The following PLCB3 variants were observed in gnomAD, a reference collection of about 807,000 sequenced individuals.
PLCB3 encodes the protein 1-phosphatidylinositol 4,5-bisphosphate phosphodiesterase beta-3.
Under a neutral mutation model 152.1 loss-of-function variants are expected in PLCB3, and 54 were observed. The observed-to-expected ratio is 0.36, with a 90% CI of 0.29 to 0.45. The LOEUF is 0.45. PLCB3 is among the 20% of genes least tolerant of loss of function. The pLI is 1.00. For missense variants in PLCB3, 1,248 were observed against 1,687.5 expected, an observed-to-expected ratio of 0.74 and a Z score of 4.56; for synonymous variants, 717 against 698.7, an observed-to-expected ratio of 1.03 and a Z score of -0.41.
chr11:64,257,165 C>T (rs979152579), intron 10 of PLCB3, among the ~76,000 whole-genome samples: 43 of 152,078 alleles, frequency 2.8e-4, no homozygotes, highest in Admixed American at 2.7e-3. Context: ...CCACCACGCC[C>T]GGCTAATTTT....
In PLCB3 at chr11:64,265,065, C is replaced by T; in HGVS notation, c.2767C>T (p.Pro923Ser). The T allele has an allele frequency of 6.5e-7, 1 of 1,538,002 alleles. No homozygotes were observed. The highest frequency in any genetic ancestry group is 8.8e-7 in the Non-Finnish European group (1 of 1,139,374). Residue 923 changes from proline (P) to serine (S), a missense_variant, in exon 23 of 31, where the codon CCC becomes TCC. By Grantham distance (74) the Pro-to-Ser change is moderately conservative. This residue lies in a region of PLCB3 where 477 missense variants were observed against 489.6 expected (regional missense o/e 0.97). Coordinates refer to ENST00000279230, the MANE Select transcript of PLCB3 (RefSeq NM_000932.5). The stretch of plus-strand genomic sequence containing the variant: ...TGCCTCCCCCCGCCGGCCCCCTGGC[C>T]CCACCACCTCCCCTGCCAGCACCTC... ...LDASPRRPPG[P>S]TTSPASTSLS...
At chr11:64,251,861 C>G in intron 1 of PLCB3, 113 bp downstream of exon 1, 1 of 545,212 alleles carries the variant, frequency 1.8e-6, no homozygotes, top group South Asian at 4.4e-5. Flanking sequence ...CACCCTCATC[C>G]CAGTCTGGCG....
intron 19 of PLCB3, 97 bp downstream of exon 19, chr11:64,262,905 C>T (rs984890411): frequency 7.0e-6 from 9 of 1,293,646 alleles, no homozygotes; most frequent in East Asian, 2.3e-5. Context: ...ACACCGTTGG[C>T]GACTGGGGAT....
At position 64,266,698 on chromosome 11, in the gene PLCB3, T is replaced by G; in HGVS notation, c.3414+146T>G. ...GCCCAACAGCCCCAGGGTACCCACA[T>G]CATACCCAAAGCCAACTGTCTGTAC... On this transcript the variant is annotated intron_variant, in intron 29 of 30. Transcript: ENST00000279230. The surrounding 1 kb of genome is among the most constrained non-coding windows in gnomAD (Gnocchi z 4.9). 2.6e-6 allele frequency: 2 copies of G among 756,820 alleles called. No individual in the cohort carries two copies. The highest frequency in any genetic ancestry group is 3.2e-5 in the South Asian group (2 of 61,934). 46.9% of individuals were successfully genotyped at this position (756,820 alleles called of 1,614,324 possible).
In PLCB3 at chr11:64,258,438, T is replaced by C; in HGVS notation, c.1013-35T>C. ...CCGGGGTGGTGAGGAGCTGGGCTGG[T>C]GGGCGGCCTCGGTGACAGAGCCTCG... On this transcript the variant is annotated intron_variant, in intron 10 of 30. Transcript: ENST00000279230. The surrounding 1 kb of genome is among the most constrained non-coding windows in gnomAD (Gnocchi z 7.2). 6.2e-7 allele frequency: 1 copy of C among 1,602,832 alleles called. No homozygotes were observed. Among genetic ancestry groups the C allele is most frequent in the South Asian group, 1.1e-5 (1 of 90,454 alleles).
chr11:64,259,287 T>A, intron 13 of PLCB3, 43 bp downstream of exon 13: 1 of 1,399,360 alleles, frequency 7.1e-7, no homozygotes, highest in African/African-American at 1.5e-5. Context: ...GACCCTAGCC[T>A]CTGGCCTCAT....
In PLCB3 at chr11:64,259,939, C is replaced by G. The variant is rs763060772; in HGVS notation, c.1526-90C>G. 4 of 1,064,688 alleles carry G rather than the reference C, an allele frequency of 3.8e-6. No individual in the cohort carries two copies. The African/African-American group carries it at 4.8e-5, about 13-fold the overall frequency. The allele number at this position is 1,064,688 out of a possible 1,614,324, so 66.0% of individuals were successfully genotyped here. A position where few individuals can be genotyped will look rare whatever the true frequency, so the allele number is the denominator to read the frequency against. On this transcript the variant is annotated intron_variant, in intron 13 of 30. Transcript: ENST00000279230. ...GTACCCCTTGAATTCCCCACTGAGT[C>G]ACCTCGGCACACACTGGGAAAAACC...
intron 14 of PLCB3, 102 bp from the exon 15 acceptor site, chr11:64,261,298 T>C (rs896658162): frequency 1.2e-6 from 1 of 840,606 alleles, no homozygotes; most frequent in Non-Finnish European, 2.1e-6. Flanking sequence ...AGTGTGTATA[T>C]AGTGCTGGGA....
In PLCB3 at chr11:64,254,986, C is replaced by T. The variant is rs769921677; in HGVS notation, c.335C>T (p.Pro112Leu). The T allele has an allele frequency of 3.0e-5, 48 of 1,586,340 alleles. 1 individual carries two copies. The highest frequency in any genetic ancestry group is 1.6e-4 in the East Asian group (7 of 44,636). Residue 112 changes from proline to leucine, a missense_variant, in exon 4 of 31, where the codon CCA becomes CTA. Around this residue, in one of 6 missense-constraint regions of PLCB3, gnomAD observed 299 missense variants for 434.7 expected, o/e 0.69. Coordinates refer to ENST00000279230, the MANE Select transcript of PLCB3 (RefSeq NM_000932.5). ...ATGACGGTGGTGTCTGGGCCAGACC[C>T]AGTGAACACAGTGTTCTTGAACTTC... The part of the protein sequence containing the change: ...KLMTVVSGPD[P>L]VNTVFLNFMA...
At position 64,258,506 on chromosome 11, in the gene PLCB3, T is replaced by A; in HGVS notation, c.1046T>A (p.Met349Lys). 1 of 1,613,598 alleles carries A rather than the reference T, an allele frequency of 6.2e-7. No individual in the cohort carries two copies. The highest frequency in any genetic ancestry group is 8.5e-7 in the Non-Finnish European group (1 of 1,179,894). The change falls in exon 11 of 31, where the codon ATG (methionine) becomes AAG (lysine). Residue 349 changes from methionine to lysine, a missense_variant. Transcript: ENST00000279230. The surrounding 1 kb of genome is among the most constrained non-coding windows in gnomAD (Gnocchi z 7.2). ...CTGGCTGGGACCTCGTCGGTGGAGA[T>A]GTACCGCCAGGCACTACTATGGGGC... ...GQLAGTSSVE[M>K]YRQALLWGCR...
chr11:64,257,057 T>A (rs181267834), intron 10 of PLCB3, among the ~76,000 whole-genome samples: 7 of 139,088 alleles, frequency 5.0e-5, no homozygotes, highest in Admixed American at 3.2e-4. Context: ...CAGGCTGGAG[T>A]GCAATGGCAC....
Position 64,258,696 on chromosome 11 carries a change from C to T in PLCB3, c.1236C>T (p.Phe412=), listed in dbSNP as rs746878875. ...KTSPYPVILS[F]ENHVDSAKQQ... ...CGCCCTACCCCGTCATCCTCTCCTT[C>T]GAGAACCATGTGGACTCGTGAGTGA... Residue 412 remains phenylalanine (F), a synonymous_variant, in exon 11 of 31, where the codon TTC becomes TTT. Transcript: ENST00000279230. This position sits in a 1 kb window ranked among gnomAD's most constrained non-coding sequence, Gnocchi z 7.2. 8 of 1,613,816 alleles carry T rather than the reference C, an allele frequency of 5.0e-6. No individual in the cohort carries two copies. In the African/African-American group the frequency reaches 9.3e-5, roughly 19 times the overall value.
Position 64,260,205 on chromosome 11 carries a change from A to T in PLCB3, c.1702A>T (p.Thr568Ser), listed in dbSNP as rs748881297. Residue 568 changes from threonine (T) to serine (S), a missense_variant, in exon 14 of 31, where the codon ACA becomes TCA. Physicochemically the swap from Thr to Ser is moderately conservative, Grantham distance 58 (BLOSUM62 1). This residue lies in a region of PLCB3 where 105 missense variants were observed against 100.9 expected (regional missense o/e 1.04). Coordinates refer to ENST00000279230, the MANE Select transcript of PLCB3 (RefSeq NM_000932.5). ...EEEDEEEEEQTDPKKPTTDEG... is the reference protein window; with the variant it reads ...EEEDEEEEEQSDPKKPTTDEG... ...GGAAGATGAGGAAGAGGAGGAACAG[A>T]CAGACCCCAAAAAGCCAACTACAGA... is the stretch of plus-strand genomic sequence containing the variant. 6.3e-6 allele frequency: 10 copies of T among 1,577,224 alleles called. 1 individual carries two copies. The highest frequency in any genetic ancestry group is 2.3e-5 in the South Asian group (2 of 86,740).
chr11:64,265,850 G>T (rs757061316), intron 25 of PLCB3, 36 bp from the exon 26 acceptor site: 2 of 1,603,824 alleles, frequency 1.2e-6, no homozygotes, highest in East Asian at 2.2e-5. Flanking sequence ...TCCATGTGAC[G>T]GGCCCAGGCA....
chr11:64,254,619 C>A, intron 2 of PLCB3, 127 bp downstream of exon 2: 1 of 1,357,592 alleles, frequency 7.4e-7, no homozygotes, highest in African/African-American at 1.4e-5. Flanking sequence ...AGGAAGTGCT[C>A]AGGGCAGGAG....
downstream of PLCB3, among the ~76,000 whole-genome samples, chr11:64,269,371 G>A (rs541420812): frequency 1.6e-4 from 25 of 152,344 alleles, 1 homozygote; most frequent in South Asian, 5.2e-3. Flanking sequence ...GGGTTATAGG[G>A]GGCGCCAATA....
Position 64,267,136 on chromosome 11 carries a change from T to C in PLCB3, c.3415-49T>C, listed in dbSNP as rs558401582. ...ATACCCAGCCAGAGCCTCGAGGCTCTAGCCCCTCCCTCAGGGCCCCTCAGC... is the reference window on the plus strand; with the variant it reads ...ATACCCAGCCAGAGCCTCGAGGCTCCAGCCCCTCCCTCAGGGCCCCTCAGC... On this transcript the variant is annotated intron_variant, in intron 29 of 30. Coordinates refer to ENST00000279230, the MANE Select transcript of PLCB3 (RefSeq NM_000932.5). This position sits in a 1 kb window ranked among gnomAD's most constrained non-coding sequence, Gnocchi z 5.2. 1 of 1,514,406 alleles carries C rather than the reference T, an allele frequency of 6.6e-7. No homozygotes were observed. Among genetic ancestry groups the C allele is most frequent in the East Asian group, 2.5e-5 (1 of 40,772 alleles). 93.8% of individuals were successfully genotyped at this position (1,514,406 alleles called of 1,614,324 possible).
Position 64,256,368 on chromosome 11 carries a change from C to G in PLCB3, c.699-8C>G, listed in dbSNP as rs1022036769. 6.2e-7 allele frequency: 1 copy of G among 1,612,198 alleles called. No homozygotes were observed. Among genetic ancestry groups the G allele is most frequent in the Admixed American group, 1.7e-5 (1 of 59,808 alleles). ...CTCCATCCTGACCCAGCTTCCTGTC[C>G]CCTCCAGAGGCGCCAAGGGCAAGCC... On this transcript the variant is annotated splice_region_variant and splice_polypyrimidine_tract_variant and intron_variant, in intron 8 of 30. Transcript: ENST00000279230.
At position 64,265,012 on chromosome 11, in the gene PLCB3, C is replaced by CCTCA; in HGVS notation, c.2715_2718dup (p.Asn907LeufsTer34). 1 of 1,609,578 alleles carries CCTCA rather than the reference C, an allele frequency of 6.2e-7. No individual in the cohort carries two copies. Among genetic ancestry groups the CCTCA allele is most frequent in the Admixed American group, 1.7e-5 (1 of 59,962 alleles). ...TCTCAGCAGCTGGGGTCTCAGCCGTCCTCAAACCCCACCCCCAGCCCACTG... is the reference window on the plus strand; with the variant it reads ...TCTCAGCAGCTGGGGTCTCAGCCGTCCTCACTCAAACCCCACCCCCAGCCCACTG... On this transcript the variant is annotated frameshift_variant, in exon 23 of 31. Transcript: ENST00000279230. LOFTEE classifies it high-confidence loss of function.
Sources: gnomAD v4.1 joint callset for allele counts (sites outside exome capture counted in the v4.1 genomes callset) on GRCh38, gnomAD v4.1.1 for gene constraint, gnomAD v4.1.1 regional missense constraint, Gnocchi (gnomAD v3.1) non-coding constraint, MANE v1.5 for transcripts, NCBI Gene and HGNC (gene_info 2026-07-23, HGNC 2026-07-21) for gene names.